The following UHRF1 variants were observed in gnomAD, a reference collection of about 807,000 sequenced individuals.
The protein encoded by UHRF1 is ubiquitin like with PHD and ring finger domains 1, also known as E3 ubiquitin-protein ligase UHRF1.
Under a neutral mutation model 96.5 loss-of-function variants are expected in UHRF1, and 9 were observed. The observed-to-expected ratio is 0.09, with a 90% confidence interval of 0.06 to 0.16. UHRF1 has a LOEUF of 0.16. Ranked by LOEUF, UHRF1 falls within the 10% of genes least tolerant of loss-of-function variation. UHRF1 has a pLI of 1.00. For missense variants in UHRF1, 626 were observed against 1,131.1 expected (o/e 0.55, Z 6.40); for synonymous variants, 455 against 469.9 (o/e 0.97, Z 0.41).
chr19:4,929,534 T>G, intron 3 of UHRF1, 58 bp downstream of exon 3: 1 of 1,568,048 alleles, frequency 6.4e-7, no homozygotes, highest in Admixed American at 1.8e-5. Flanking sequence ...CATTCTGGTC[T>G]TTGCATACCC....
At chr19:4,913,394 C>T (rs780333111) in intron 2 of UHRF1, among the ~76,000 whole-genome samples, 10 of 151,792 alleles carry the variant, frequency 6.6e-5, no homozygotes, top group East Asian at 1.9e-4. Context: ...GCTGGGATTA[C>T]AGTCACCCAC....
rs921147754 is a variant in UHRF1 at position 4,930,216 on chromosome 19, C to T, written c.409-500C>T. On this transcript the variant is annotated intron_variant, in intron 3 of 16. Coordinates refer to ENST00000650932, the MANE Select transcript of UHRF1 (RefSeq NM_001048201.3). This position sits in a 1 kb window ranked among gnomAD's most constrained non-coding sequence, Gnocchi z 4.4. ...TCTTGAACTCCTGGCCTCAAGTGATCTTCCCGCCGCAGCCTCCCAAAGTGC... is the reference window on the plus strand; with the variant it reads ...TCTTGAACTCCTGGCCTCAAGTGATTTTCCCGCCGCAGCCTCCCAAAGTGC... 6.6e-6 allele frequency among the ~76,000 whole-genome samples: 1 copy of T among 152,228 alleles called. No homozygotes were observed. The highest frequency in any genetic ancestry group is 1.9e-4 in the East Asian group (1 of 5,196).
chr19:4,929,082 G>C (rs192197464), intron 2 of UHRF1, 140 bp from the exon 3 acceptor site: 1 of 1,233,116 alleles, frequency 8.1e-7, no homozygotes, highest in Non-Finnish European at 1.1e-6. Flanking sequence ...CATGGCCCAG[G>C]TATCATGGCT....
intron 2 of UHRF1, among the ~76,000 whole-genome samples, chr19:4,914,959 G>C (rs911165967): frequency 1.3e-5 from 2 of 152,186 alleles, no homozygotes; most frequent in Non-Finnish European, 2.9e-5. Flanking sequence ...GATGTTTGGG[G>C]CCAGGTCATC....
chr19:4,959,167 TAAAA>T (rs1182000268), intron 16 of UHRF1, among the ~76,000 whole-genome samples: 2 of 151,580 alleles, frequency 1.3e-5, no homozygotes, highest in African/African-American at 2.4e-5. Context: ...CTGTCTCTAC[TAAAA>T]ATACAAAAAT....
chr19:4,925,200 T>C (rs1188741875), intron 2 of UHRF1, among the ~76,000 whole-genome samples: 4 of 152,178 alleles, frequency 2.6e-5, no homozygotes, highest in African/African-American at 9.7e-5. Flanking sequence ...TTGAGGTATA[T>C]TCATAGTTGT....
intron 2 of UHRF1, among the ~76,000 whole-genome samples, chr19:4,922,041 GGT>G (rs2032719080): frequency 6.6e-6 from 1 of 151,998 alleles, no homozygotes; most frequent in South Asian, 2.1e-4. Context: ...CTGCCTCCCA[GGT>G]TCAAGCTATT....
intron 5 of UHRF1, 78 bp downstream of exon 5, chr19:4,933,034 CG>C (rs1211864785): frequency 6.9e-7 from 1 of 1,457,312 alleles, no homozygotes; most frequent in East Asian, 2.5e-5. Context: ...GCTTTGAAGC[CG>C]TCCAGCCAGC....
intron 2 of UHRF1, among the ~76,000 whole-genome samples, chr19:4,926,088 G>T (rs565237506): frequency 4.9e-4 from 74 of 151,554 alleles, no homozygotes; most frequent in Admixed American, 9.9e-4. Flanking sequence ...GTAGAGACAG[G>T]TTTCACCATG....
intron 11 of UHRF1, 76 bp downstream of exon 11, chr19:4,947,287 C>A: frequency 7.6e-7 from 1 of 1,324,418 alleles, no homozygotes; most frequent in Non-Finnish European, 1.1e-6. Context: ...GGCCTCATGT[C>A]CAGCAAGTGA....
chr19:4,916,793 G>A (rs980155235), intron 2 of UHRF1, among the ~76,000 whole-genome samples: 3 of 152,238 alleles, frequency 2.0e-5, no homozygotes, highest in Non-Finnish European at 2.9e-5. Context: ...AGCTGTGGCT[G>A]CCCCTCAGGA....
chr19:4,943,356 G>T (rs1416253114), intron 7 of UHRF1, among the ~76,000 whole-genome samples: 12 of 152,120 alleles, frequency 7.9e-5, no homozygotes, highest in Non-Finnish European at 4.4e-5. Flanking sequence ...GTGAGAGGAG[G>T]TTTCGTAGCC....
At position 4,920,941 on chromosome 19, in the gene UHRF1, T is replaced by C. The variant is rs187842253; in HGVS notation, c.154-8281T>C. 6.3e-4 allele frequency among the ~76,000 whole-genome samples: 94 copies of C among 148,930 alleles called. 1 individual carries two copies. Among genetic ancestry groups the C allele is most frequent in the Admixed American group, 2.5e-3 (37 of 14,804 alleles). ...GAGATCGAAACCATCCTGGCCAACA[T>C]GGTGAAACCCTGTCTCTACTAAAAA... On this transcript the variant is annotated intron_variant, in intron 2 of 16. Transcript: ENST00000650932.
chr19:4,939,866 T>C (rs2033333875), intron 5 of UHRF1, among the ~76,000 whole-genome samples: 1 of 151,870 alleles, frequency 6.6e-6, no homozygotes, highest in Non-Finnish European at 1.5e-5. Flanking sequence ...CTACTAAAAA[T>C]ACAAAAAATT....
At chr19:4,932,719 A>G (rs758093758) in intron 4 of UHRF1, 22 bp from the exon 5 acceptor site, 2 of 1,612,290 alleles carry the variant, frequency 1.2e-6, no homozygotes, top group South Asian at 1.1e-5. Flanking sequence ...CACGGGGTCT[A>G]AGGCCCGGGC....
At position 4,953,790 on chromosome 19, in the gene UHRF1, A is replaced by C. The variant is rs576981381; in HGVS notation, c.1819-560A>C. On this transcript the variant is annotated intron_variant, in intron 13 of 16. Coordinates refer to ENST00000650932, the MANE Select transcript of UHRF1 (RefSeq NM_001048201.3). The stretch of plus-strand genomic sequence containing the variant: ...TATTAATATTTTATATTTAGCCTGT[A>C]ATCCCAGCATTTTGGATGACTGAGG... 2.6e-5 allele frequency among the ~76,000 whole-genome samples: 4 copies of C among 152,306 alleles called. No individual in the cohort carries two copies. In the South Asian group the frequency reaches 8.3e-4, roughly 32 times the overall value.
chr19:4,904,872 A>G (rs548659575), upstream of UHRF1, among the ~76,000 whole-genome samples: 36 of 152,314 alleles, frequency 2.4e-4, 1 homozygote, highest in Admixed American at 1.8e-3. Flanking sequence ...CCTGATTTGC[A>G]CATGGTCTGG....
chr19:4,908,774 C>T (rs949420599), upstream of UHRF1, among the ~76,000 whole-genome samples: 1 of 152,148 alleles, frequency 6.6e-6, no homozygotes, highest in Non-Finnish European at 1.5e-5. Flanking sequence ...AGGAATTTTC[C>T]CTCCCTGAGA....
chr19:4,918,913 G>A (rs943069694), intron 2 of UHRF1, among the ~76,000 whole-genome samples: 3 of 151,456 alleles, frequency 2.0e-5, no homozygotes, highest in African/African-American at 7.3e-5. Context: ...ATAGAGATGG[G>A]TTCCTGCCAT....
Sources: gnomAD v4.1 joint callset for allele counts (sites outside exome capture counted in the v4.1 genomes callset) on GRCh38, gnomAD v4.1.1 for gene constraint, Gnocchi (gnomAD v3.1) non-coding constraint, MANE v1.5 for transcripts, NCBI Gene and HGNC (gene_info 2026-07-23, HGNC 2026-07-21) for gene names.